The following NAV3 variants were observed in gnomAD, a reference collection of about 807,000 sequenced individuals.
NAV3 encodes the protein neuron navigator 3, also known as pore membrane and/or filament interacting like protein 1.
Under a neutral mutation model 244.7 loss-of-function variants are expected in NAV3, and 87 were observed. The observed-to-expected ratio is 0.36, with a 90% CI of 0.30 to 0.42. NAV3 has a LOEUF of 0.42. Among genes scored for constraint, NAV3 ranks in the 20% least tolerant of loss-of-function variants. The pLI, the probability that NAV3 is intolerant of heterozygous loss-of-function variation, is 1.00. For missense variants in NAV3, 2,663 were observed against 2,893.3 expected (o/e 0.92, Z 1.83); for synonymous variants, 1,126 against 1,042.2 (o/e 1.08, Z -1.55).
intron 12 of NAV3, among the ~76,000 whole-genome samples, chr12:78,073,125 A>G (rs300424): frequency 0.053 from 6,963 of 131,750 alleles, 221 homozygotes; most frequent in Non-Finnish European, 0.074. Context: ...GAAAACTGGC[A>G]CAAGACAGGG....
chr12:78,206,634 G>T (rs1198399681), intron 39 of NAV3, among the ~76,000 whole-genome samples: 1 of 151,938 alleles, frequency 6.6e-6, no homozygotes, highest in Non-Finnish European at 1.5e-5. Flanking sequence ...TTGTCTTCTA[G>T]TAGAGGAAAC....
At chr12:78,160,938 A>G (rs1957518547) in intron 23 of NAV3, among the ~76,000 whole-genome samples, 2 of 140,146 alleles carry the variant, frequency 1.4e-5, no homozygotes, top group Non-Finnish European at 3.1e-5. Flanking sequence ...CTCCTCCCTT[A>G]CACCCTTTCT....
chr12:77,644,500 A>G (rs1366764145), intron 2 of NAV3, among the ~76,000 whole-genome samples: 1 of 152,090 alleles, frequency 6.6e-6, no homozygotes, highest in Non-Finnish European at 1.5e-5. Context: ...TAGACTGAGA[A>G]GCTTCCATAG....
intron 34 of NAV3, 82 bp downstream of exon 34, chr12:78,190,301 T>C (rs1419675045): frequency 8.9e-7 from 1 of 1,124,068 alleles, no homozygotes; most frequent in African/African-American, 1.6e-5. Flanking sequence ...TTTGTGAGAC[T>C]TCCATGTTGT....
At chr12:77,850,718 A>T (rs1877382501) in intron 1 of NAV3, among the ~76,000 whole-genome samples, 1 of 151,970 alleles carries the variant, frequency 6.6e-6, no homozygotes, top group African/African-American at 2.4e-5. Context: ...GCTTCTTCAG[A>T]TGGATGGATA....
intron 20 of NAV3, among the ~76,000 whole-genome samples, chr12:78,145,394 GT>G (rs1161090952): frequency 1.3e-5 from 2 of 151,972 alleles, no homozygotes; most frequent in Non-Finnish European, 2.9e-5. Flanking sequence ...AAGAAAAGCA[GT>G]AAAAAACAGT....
rs373506102 is a variant in NAV3, at chr12:77,572,171, TTTGA to T, written c.-23_-20del. 2.1e-4 allele frequency: 33 copies of T among 154,462 alleles called. No homozygotes were observed. The South Asian group carries it at 6.3e-3, about 30-fold the overall frequency. The allele number at this position is 154,462 out of a possible 1,614,324, so 9.6% of individuals were successfully genotyped here. On this transcript the variant is annotated 5_prime_UTR_variant, in exon 2 of 9. Transcript: ENST00000550042. ...TGCTGCTTTTTTGAAGAGATTCCAT[TTTGA>T]AGGGCAAGAACCTAATGTGATGGAT...
chr12:78,052,793 C>A (rs1882947166), intron 11 of NAV3, among the ~76,000 whole-genome samples: 2 of 152,052 alleles, frequency 1.3e-5, no homozygotes, highest in African/African-American at 4.8e-5. Context: ...TCCACTCTAT[C>A]CCCTCTTCTC....
chr12:78,128,314 A>G lies in NAV3; in HGVS notation c.4281-392A>G, dbSNP rs991917765. On this transcript the variant is annotated intron_variant, in intron 17 of 39. Transcript: ENST00000397909. The stretch of plus-strand genomic sequence containing the variant: ...CTGCCAATATGTATTCCATTTCCCT[A>G]TGCCTTCTGTGACCATCCTTCATTT... Among the ~76,000 whole-genome samples, 5 of 148,296 alleles carry G rather than the reference A, an allele frequency of 3.4e-5. No homozygotes were observed. The South Asian group carries it at 8.5e-4, about 25-fold the overall frequency.
Position 77,691,333 on chromosome 12 carries a change from G to GTACATATATATA in NAV3, c.72+119068_72+119069insACATATATATAT, listed in dbSNP as rs1214933751. 8.7e-3 allele frequency among the ~76,000 whole-genome samples: 878 copies of GTACATATATATA among 100,902 alleles called. 29 individuals carry two copies. The highest frequency in any genetic ancestry group is 0.024 in the African/African-American group (628 of 26,076). 66.2% of individuals were successfully genotyped at this position (100,902 alleles called of 152,430 possible). A position where few individuals can be genotyped will look rare whatever the true frequency, so the allele number is the denominator to read the frequency against. ...TAGTCATATATAAGTATTTGTGTAT[G>GTACATATATATA]TGTGTATATATATATATATATACAT... On this transcript the variant is annotated intron_variant, in intron 2 of 8. Coordinates refer to the NAV3 transcript ENST00000550042.
chr12:78,000,124 A>T (rs1872995343), intron 7 of NAV3, among the ~76,000 whole-genome samples: 1 of 152,222 alleles, frequency 6.6e-6, no homozygotes, highest in Admixed American at 6.5e-5. Flanking sequence ...AATTCTGATG[A>T]TATACAAGCA....
intron 1 of NAV3, among the ~76,000 whole-genome samples, chr12:77,891,946 TG>T (rs1287837829): frequency 3.9e-5 from 6 of 152,190 alleles, no homozygotes; most frequent in Non-Finnish European, 7.3e-5. Flanking sequence ...CCTCAGCCAC[TG>T]GTCTAGTAGA....
chr12:77,988,910 A>G (rs1168839328), intron 5 of NAV3, among the ~76,000 whole-genome samples: 1 of 152,172 alleles, frequency 6.6e-6, no homozygotes, highest in Non-Finnish European at 1.5e-5. Context: ...TGGAGGATAA[A>G]ATGCTTTTCT....
At chr12:77,966,203 CT>C in intron 3 of NAV3, 25 bp from the exon 4 acceptor site, 1 of 1,609,300 alleles carries the variant, frequency 6.2e-7, no homozygotes. Context: ...CTCTAAGTTG[CT>C]TTTTCACTGC....
intron 2 of NAV3, among the ~76,000 whole-genome samples, chr12:77,777,996 G>T (rs11106666): frequency 6.6e-6 from 1 of 151,612 alleles, no homozygotes; most frequent in Non-Finnish European, 1.5e-5. Context: ...AGTAGAGACA[G>T]GGTTTCACCA....
chr12:77,658,554 A>G (rs1360376812), intron 2 of NAV3, among the ~76,000 whole-genome samples: 5 of 151,870 alleles, frequency 3.3e-5, no homozygotes, highest in Admixed American at 1.3e-4. Flanking sequence ...TATAGATTCA[A>G]TGCCATCCCC....
At chr12:77,733,266 C>A (rs1278915922) in intron 2 of NAV3, among the ~76,000 whole-genome samples, 1 of 151,790 alleles carries the variant, frequency 6.6e-6, no homozygotes, top group South Asian at 2.1e-4. Flanking sequence ...TGGAATAGGG[C>A]ATGACGAGTA....
chr12:78,161,603 T>C (rs1957548746), intron 23 of NAV3, among the ~76,000 whole-genome samples: 1 of 152,050 alleles, frequency 6.6e-6, no homozygotes, highest in South Asian at 2.1e-4. Flanking sequence ...CATAAGAGAT[T>C]TTATAATGTG....
At chr12:77,726,274 A>C (rs903202103) in intron 2 of NAV3, among the ~76,000 whole-genome samples, 2 of 151,932 alleles carry the variant, frequency 1.3e-5, no homozygotes, top group African/African-American at 4.8e-5. Context: ...TTTTCAGTGA[A>C]TATCTTTTTC....
Sources: allele counts gnomAD v4.1 joint callset (sites outside exome capture counted in the v4.1 genomes callset), GRCh38; gene constraint gnomAD v4.1.1; transcripts MANE v1.5; gene names NCBI Gene and HGNC (gene_info 2026-07-23, HGNC 2026-07-21).